Variants in RBFOX3 observed in about 807,000 individuals in gnomAD.
RBFOX3 encodes the protein RNA binding fox-1 homolog 3.
A neutral mutation model predicts 48.7 loss-of-function variants in RBFOX3; 17 were observed. The observed-to-expected ratio is 0.35, with a 90% confidence interval of 0.24 to 0.52. RBFOX3 has a LOEUF of 0.52. RBFOX3 is among the 20% of genes least tolerant of loss of function. The probability of loss-of-function intolerance (pLI) is 0.94; values close to 1 mark genes in which losing one functional copy is unlikely to be tolerated. For missense variants in RBFOX3, 382 were observed against 497.5 expected (o/e 0.77, Z 2.21); for synonymous variants, 212 against 209.5 (o/e 1.01, Z -0.10).
intron 5 of RBFOX3, among the ~76,000 whole-genome samples, chr17:79,108,532 G>A (rs985434585): frequency 6.6e-6 from 1 of 152,210 alleles, no homozygotes; most frequent in Non-Finnish European, 1.5e-5. Flanking sequence ...TGGAGGCCTC[G>A]GCCCACGGCA....
At chr17:79,508,163 C>T (rs951433885) in intron 1 of RBFOX3, among the ~76,000 whole-genome samples, 8 of 152,250 alleles carry the variant, frequency 5.3e-5, no homozygotes, top group East Asian at 1.9e-4. Context: ...ATGAAAATGA[C>T]GGCAGCCCCT....
intron 3 of RBFOX3, among the ~76,000 whole-genome samples, chr17:79,285,765 C>A (rs2071722588): frequency 6.6e-6 from 1 of 152,120 alleles, no homozygotes; most frequent in Non-Finnish European, 1.5e-5. Context: ...CTCATTGCAA[C>A]CTCCGCCTCC....
At chr17:79,426,222 C>T (rs2067352891) in intron 2 of RBFOX3, among the ~76,000 whole-genome samples, 1 of 152,140 alleles carries the variant, frequency 6.6e-6, no homozygotes, top group South Asian at 2.1e-4. Flanking sequence ...ACCTTTCCGG[C>T]AGCATCCCAG....
intron 4 of RBFOX3, among the ~76,000 whole-genome samples, chr17:79,215,644 G>A (rs2058941542): frequency 1.3e-5 from 2 of 152,210 alleles, no homozygotes; most frequent in South Asian, 2.1e-4. Flanking sequence ...GAAGGGCAGG[G>A]CTCAGGGAAT....
At chr17:79,622,097 C>T in the RBFOX3 span, among the ~76,000 whole-genome samples, 2 of 151,956 alleles carry the variant, frequency 1.3e-5, no homozygotes, top group East Asian at 3.9e-4. Context: ...TCTCATTCTC[C>T]TCCTGGAGAC....
intron 1 of RBFOX3, among the ~76,000 whole-genome samples, chr17:79,541,574 G>A (rs2089696986): frequency 6.6e-6 from 1 of 152,176 alleles, no homozygotes; most frequent in Non-Finnish European, 1.5e-5. Flanking sequence ...CAGCGGAAGG[G>A]ACACGGCTTC....
At position 79,242,772 on chromosome 17, in the gene RBFOX3, C is replaced by T. The variant is rs2062575452; in HGVS notation, c.-73-6967G>A. ...GGGCCACCCCCTTACTGGGCCTCCA[C>T]AGGGCAGCAGGGCAGGGCTTAGGGG... On this transcript the variant is annotated intron_variant, in intron 3 of 14. Coordinates refer to ENST00000693108, the MANE Select transcript of RBFOX3 (RefSeq NM_001350451.2). The surrounding 1 kb of genome is among the most constrained non-coding windows in gnomAD (Gnocchi z 5.8). 2.0e-5 allele frequency among the ~76,000 whole-genome samples: 3 copies of T among 152,158 alleles called. No homozygotes were observed. The highest frequency in any genetic ancestry group is 7.2e-5 in the African/African-American group (3 of 41,446).
chr17:79,646,968 A>C, the RBFOX3 span, among the ~76,000 whole-genome samples: 1 of 152,126 alleles, frequency 6.6e-6, no homozygotes. Context: ...CAACTACAGC[A>C]TCCCCAGCCC....
intron 1 of RBFOX3, among the ~76,000 whole-genome samples, chr17:79,522,929 CAAAAAA>C (rs34245309): frequency 5.6e-3 from 179 of 31,962 alleles, no homozygotes; most frequent in African/African-American, 0.012. Context: ...GACTCCGTCT[CAAAAAA>C]AAAAAAAAAA....
intron 3 of RBFOX3, among the ~76,000 whole-genome samples, chr17:79,241,567 G>T (rs1200016030): frequency 1.3e-5 from 2 of 152,150 alleles, no homozygotes; most frequent in Non-Finnish European, 2.9e-5. Context: ...GCTGAGGAAG[G>T]TTCCACTGTG....
In RBFOX3 at chr17:79,287,462, G is replaced by A. The variant is rs116512328; in HGVS notation, c.-74+20262C>T. On this transcript the variant is annotated intron_variant, in intron 3 of 14. Transcript: ENST00000693108. ...GTTGATCCGAGGGGTTGTCACATAC[G>A]CCTTGACCTTCCAGCTCAGTGTCTC... 3.7e-3 allele frequency among the ~76,000 whole-genome samples: 563 copies of A among 152,130 alleles called. 3 individuals carry two copies. The highest frequency in any genetic ancestry group is 0.013 in the African/African-American group (530 of 41,470).
At position 79,516,732 on chromosome 17, in the gene RBFOX3, G is replaced by A. The variant is rs2085298046; in HGVS notation, c.-319-34134C>T. ...AGGTGTGCCCTCCGAAAGCACGCTG[G>A]AGCAACACACTGTGCATGGATGGAT... On this transcript the variant is annotated intron_variant, in intron 1 of 14. Transcript: ENST00000693108. Among the ~76,000 whole-genome samples, 5 of 152,230 alleles carry A rather than the reference G, an allele frequency of 3.3e-5. No individual in the cohort carries two copies. The South Asian group carries it at 1.0e-3, about 32-fold the overall frequency.
At chr17:79,376,386 G>A (rs1324374619) in intron 2 of RBFOX3, among the ~76,000 whole-genome samples, 1 of 152,174 alleles carries the variant, frequency 6.6e-6, no homozygotes, top group Admixed American at 6.5e-5. Flanking sequence ...GGGAAGGTGG[G>A]GGTGGCAGGG....
intron 2 of RBFOX3, among the ~76,000 whole-genome samples, chr17:79,439,570 G>A (rs1332153879): frequency 2.6e-5 from 4 of 152,192 alleles, no homozygotes; most frequent in Non-Finnish European, 4.4e-5. Context: ...ATACATTTGC[G>A]TGAACACATC....
intron 2 of RBFOX3, among the ~76,000 whole-genome samples, chr17:79,356,664 C>T (rs1417876346): frequency 6.7e-6 from 1 of 149,360 alleles, no homozygotes; most frequent in Non-Finnish European, 1.5e-5. Context: ...CCACTGTGCC[C>T]AGCCAGTTTT....
chr17:79,251,138 C>T (rs2063892482), intron 3 of RBFOX3, among the ~76,000 whole-genome samples: 1 of 152,086 alleles, frequency 6.6e-6, no homozygotes, highest in African/African-American at 2.4e-5. Flanking sequence ...GCCTCCTCAG[C>T]AGCTCCCCTT....
At chr17:79,291,846 C>T (rs2073329805) in intron 3 of RBFOX3, among the ~76,000 whole-genome samples, 1 of 152,174 alleles carries the variant, frequency 6.6e-6, no homozygotes, top group Non-Finnish European at 1.5e-5. Flanking sequence ...ACTACCTTTG[C>T]AGGTTGGCTA....
intron 4 of RBFOX3, among the ~76,000 whole-genome samples, chr17:79,193,302 G>A (rs112646279): frequency 0.011 from 1,641 of 152,332 alleles, 14 homozygotes; most frequent in Non-Finnish European, 0.019. Context: ...CCTATTAACA[G>A]AGAACCTGGT....
Position 79,125,620 on chromosome 17 carries a change from C to T in RBFOX3, c.-33-9872G>A, listed in dbSNP as rs149116187. ...GGCCGTGGATGGAGCCCCTCCCGCACGGCCTGGCCGCCTTCCCTCGGCACA... is the reference window on the plus strand; with the variant it reads ...GGCCGTGGATGGAGCCCCTCCCGCATGGCCTGGCCGCCTTCCCTCGGCACA... On this transcript the variant is annotated intron_variant, in intron 4 of 14. Transcript: ENST00000693108. Among the ~76,000 whole-genome samples, 220 of 152,352 alleles carry T rather than the reference C, an allele frequency of 1.4e-3. 2 individuals are homozygous for T. The highest frequency in any genetic ancestry group is 4.4e-3 in the African/African-American group (182 of 41,596).
Sources: gnomAD v4.1 joint callset for allele counts (sites outside exome capture counted in the v4.1 genomes callset) on GRCh38, gnomAD v4.1.1 for gene constraint, Gnocchi (gnomAD v3.1) non-coding constraint, MANE v1.5 for transcripts, NCBI Gene and HGNC (gene_info 2026-07-23, HGNC 2026-07-21) for gene names.